TOGARAM1: variants seen among roughly 807,000 people sequenced by gnomAD.
TOGARAM1 encodes the protein TOG array regulator of axonemal microtubules 1.
TOGARAM1 carries 100 observed loss-of-function variants against 166.6 expected under a neutral mutation model. That is an observed-to-expected ratio of 0.60 (90% confidence interval 0.51 to 0.71). TOGARAM1 has a LOEUF of 0.71. Among genes scored for constraint, TOGARAM1 ranks in the 30% least tolerant of loss-of-function variants. The pLI, the probability that TOGARAM1 is intolerant of heterozygous loss-of-function variation, is 0.00. For missense variants in TOGARAM1, 2,029 were observed against 2,102.7 expected, an observed-to-expected ratio of 0.96 and a Z score of 0.69; for synonymous variants, 758 against 763.8, an observed-to-expected ratio of 0.99 and a Z score of 0.13.
rs1384275532 is a variant in TOGARAM1 at position 44,979,452 on chromosome 14, T to TG, written c.2046+14987dup. ...AGGGCACTAATCCCATACTTGAGGG[T>TG]GGAGCCCTCATGACCTAATCACCTC... is the stretch of plus-strand genomic sequence containing the variant. On this transcript the variant is annotated intron_variant, in intron 1 of 19. Coordinates refer to ENST00000361462, the MANE Select transcript of TOGARAM1 (RefSeq NM_001308120.2). 2.0e-5 allele frequency among the ~76,000 whole-genome samples: 3 copies of TG among 152,102 alleles called. No individual in the cohort carries two copies. The East Asian group carries it at 5.8e-4, about 29-fold the overall frequency.
chr14:45,029,573 A>G (rs1432112801), intron 10 of TOGARAM1, among the ~76,000 whole-genome samples: 1 of 152,218 alleles, frequency 6.6e-6, no homozygotes, highest in African/African-American at 2.4e-5. Flanking sequence ...ACATATTAGC[A>G]GAAATAATTT....
In TOGARAM1 at chr14:44,962,746, C is replaced by T; in HGVS notation, c.325C>T (p.Pro109Ser). 2 of 1,613,532 alleles carry T rather than the reference C, an allele frequency of 1.2e-6. No homozygotes were observed. The highest frequency in any genetic ancestry group is 1.3e-5 in the African/African-American group (1 of 75,056). Residue 109 changes from proline (P) to serine (S), a missense_variant, in exon 1 of 20, where the codon CCT becomes TCT. Coordinates refer to ENST00000361462, the MANE Select transcript of TOGARAM1 (RefSeq NM_001308120.2). ...TCAACTCCTCCGCACTGCCCGGGAT[C>T]CTTCTGAGGCCTTCCAGGCTTTGCA... ...LLQLLRTARD[P>S]SEAFQALQAA...
At chr14:45,023,178 A>C (rs1880625614) in intron 7 of TOGARAM1, among the ~76,000 whole-genome samples, 2 of 152,250 alleles carry the variant, frequency 1.3e-5, no homozygotes, top group African/African-American at 4.8e-5. Context: ...TCAGTATACA[A>C]GTTGAGGCTG....
At chr14:45,072,909 G>A (rs1192557294) in intron 19 of TOGARAM1, among the ~76,000 whole-genome samples, 2 of 152,108 alleles carry the variant, frequency 1.3e-5, no homozygotes, top group African/African-American at 4.8e-5. Flanking sequence ...GAAATAATAC[G>A]GGAAAAGTAA....
At chr14:45,045,428 T>A (rs1366383959) in intron 13 of TOGARAM1, among the ~76,000 whole-genome samples, 1 of 149,860 alleles carries the variant, frequency 6.7e-6, no homozygotes, top group East Asian at 1.9e-4. Context: ...AACATATGGT[T>A]TTTGGTGTTT....
At chr14:45,029,379 A>G (rs151240367) in intron 10 of TOGARAM1, among the ~76,000 whole-genome samples, 35 of 152,342 alleles carry the variant, frequency 2.3e-4, no homozygotes, top group African/African-American at 7.9e-4. Context: ...TTAATTCTTG[A>G]TGGATCAACT....
chr14:45,056,965 TGTTTG>T (rs1882670969), intron 16 of TOGARAM1, among the ~76,000 whole-genome samples: 1 of 145,170 alleles, frequency 6.9e-6, no homozygotes, highest in Admixed American at 8.1e-5. Context: ...TTTATTTATT[TGTTTG>T]TTTGTTTATT....
At chr14:45,046,467 A>T in intron 13 of TOGARAM1, 78 bp from the exon 14 acceptor site, 2 of 1,210,010 alleles carry the variant, frequency 1.7e-6, no homozygotes, top group Non-Finnish European at 2.1e-6. Flanking sequence ...AACAAACAAA[A>T]ACAACCCATA....
chr14:44,986,842 T>A (rs1886829967), intron 1 of TOGARAM1, among the ~76,000 whole-genome samples: 1 of 150,354 alleles, frequency 6.7e-6, no homozygotes, highest in Non-Finnish European at 1.5e-5. Context: ...CCATCTCTAC[T>A]AAAAATACAA....
intron 11 of TOGARAM1, among the ~76,000 whole-genome samples, chr14:45,036,413 T>C (rs1881441876): frequency 6.6e-6 from 1 of 152,108 alleles, no homozygotes; most frequent in South Asian, 2.1e-4. Context: ...ATGCTACCTA[T>C]AAGAAATTCT....
In TOGARAM1 at chr14:44,963,903, C is replaced by T. The variant is rs1300267701; in HGVS notation, c.1482C>T (p.Cys494=). The change falls in exon 1 of 20, where the codon TGC becomes TGT. Residue 494 remains cysteine, a synonymous_variant. Transcript: ENST00000361462. ...SRVREEVVNI[C]ICSLLTYPSE... ...TGAGAGAGGAGGTGGTGAACATTTG[C>T]ATCTGCTCCCTGCTGACCTATCCTA... is the stretch of plus-strand genomic sequence containing the variant. 4 of 1,613,932 alleles carry T rather than the reference C, an allele frequency of 2.5e-6. No homozygotes were observed. The African/African-American group carries it at 4.0e-5, about 16-fold the overall frequency.
chr14:44,969,159 T>TTTC (rs1222380979), intron 1 of TOGARAM1, among the ~76,000 whole-genome samples: 3 of 132,820 alleles, frequency 2.3e-5, no homozygotes, highest in Non-Finnish European at 3.1e-5. Context: ...TCTTTCTTTC[T>TTTC]TTTCTTTCTT....
At chr14:44,972,446 C>T (rs1326344399) in intron 1 of TOGARAM1, among the ~76,000 whole-genome samples, 6 of 152,028 alleles carry the variant, frequency 3.9e-5, no homozygotes, top group African/African-American at 9.7e-5. Flanking sequence ...CCTGCTGGAT[C>T]TGTCCATTTC....
At position 45,004,383 on chromosome 14, in the gene TOGARAM1, T is replaced by C. The variant is rs977539107; in HGVS notation, c.2644+17T>C. 4 of 1,602,710 alleles carry C rather than the reference T, an allele frequency of 2.5e-6. No homozygotes were observed. The highest frequency in any genetic ancestry group is 3.4e-6 in the Non-Finnish European group (4 of 1,174,592). ...GAAATCATGGTAAAAGTCAATACTT[T>C]GTTCAAATTTATTTGTGTTTGAATT... On this transcript the variant is annotated intron_variant, in intron 4 of 19. Transcript: ENST00000361462.
intron 14 of TOGARAM1, among the ~76,000 whole-genome samples, chr14:45,048,657 T>C (rs1257556358): frequency 6.6e-6 from 1 of 151,960 alleles, no homozygotes; most frequent in Non-Finnish European, 1.5e-5. Context: ...TGCTGGGCTT[T>C]GCCAAATTCA....
rs539537989 is a variant in TOGARAM1, at chr14:45,001,513, G to A, written c.2338+2016G>A. On this transcript the variant is annotated intron_variant, in intron 3 of 19. Coordinates refer to ENST00000361462, the MANE Select transcript of TOGARAM1 (RefSeq NM_001308120.2). Reference sequence around the variant, plus strand: ...ATTTGCAAACGATTCCACTGTTGAGGGATCAATAACCAGAATATATAAGGA... The same window carrying A: ...ATTTGCAAACGATTCCACTGTTGAGAGATCAATAACCAGAATATATAAGGA... 5.3e-5 allele frequency among the ~76,000 whole-genome samples: 8 copies of A among 151,990 alleles called. 2 individuals carry two copies. The highest frequency in any genetic ancestry group is 1.9e-4 in the African/African-American group (8 of 41,444).
intron 16 of TOGARAM1, among the ~76,000 whole-genome samples, chr14:45,064,690 A>G (rs981011431): frequency 8.5e-5 from 13 of 152,272 alleles, no homozygotes; most frequent in African/African-American, 3.1e-4. Context: ...TTTGTTGCCC[A>G]GGTTGGAGTC....
At chr14:45,047,582 G>C (rs1379949424) in intron 14 of TOGARAM1, among the ~76,000 whole-genome samples, 1 of 152,100 alleles carries the variant, frequency 6.6e-6, no homozygotes, top group African/African-American at 2.4e-5. Context: ...TATAATGGCT[G>C]TGGTGGTGAC....
In TOGARAM1 at chr14:45,028,190, T is replaced by A. The variant is rs887463122; in HGVS notation, c.3519T>A (p.Ile1173=). 2 of 1,572,780 alleles carry A rather than the reference T, an allele frequency of 1.3e-6. No individual in the cohort carries two copies. The highest frequency in any genetic ancestry group is 1.4e-5 in the African/African-American group (1 of 72,272). The change falls in exon 10 of 20, where the codon ATT becomes ATA. Residue 1173 remains isoleucine, a synonymous_variant. Transcript: ENST00000361462. ...TTTTCATGCAGGCTAAAGTTTCTATTTCTAAATCTACTTATAACAAGATGA... is the reference window on the plus strand; with the variant it reads ...TTTTCATGCAGGCTAAAGTTTCTATATCTAAATCTACTTATAACAAGATGA... ...VENEKDAKVS[I]SKSTYNKMRQ... is the part of the protein sequence containing the mutation.
Sources: allele counts gnomAD v4.1 joint callset (sites outside exome capture counted in the v4.1 genomes callset), GRCh38; gene constraint gnomAD v4.1.1; transcripts MANE v1.5; gene names NCBI Gene and HGNC (gene_info 2026-07-23, HGNC 2026-07-21).